RAET1G: variants seen among roughly 807,000 people sequenced by gnomAD.
RAET1G encodes UL-16 binding protein 5.
In RAET1G, 25 loss-of-function variants were observed where a neutral mutation model predicts 29.5. The ratio of observed to expected loss-of-function variants is 0.85; its 90% CI spans 0.62 to 1.18. RAET1G has a LOEUF of 1.18. Among genes scored for constraint, RAET1G ranks in the 50% most tolerant of loss-of-function variants. RAET1G has a pLI of 0.00. For missense variants in RAET1G, 434 were observed against 423.6 expected (o/e 1.02, Z -0.22); for synonymous variants, 167 against 159.5 (o/e 1.05, Z -0.36).
intron 1 of RAET1G, among the ~76,000 whole-genome samples, chr6:149,921,886 C>T (rs768161460): frequency 3.9e-5 from 6 of 152,036 alleles, no homozygotes; most frequent in Non-Finnish European, 7.4e-5. Flanking sequence ...GGGTCAGCAA[C>T]CTAGGACAGG....
chr6:149,919,448 C>T lies in RAET1G; in HGVS notation c.349+105G>A, dbSNP rs540458649. On this transcript the variant is annotated intron_variant, in intron 2 of 4. Coordinates refer to ENST00000367360, the MANE Select transcript of RAET1G (RefSeq NM_001001788.4). Reference sequence around the variant, plus strand: ...CCTGGCCTTGCCTCTAGACGTCTTGCGGGGTGAGATGACCTTCCTATTTGT... The same window carrying T: ...CCTGGCCTTGCCTCTAGACGTCTTGTGGGGTGAGATGACCTTCCTATTTGT... The T allele has an allele frequency of 9.4e-4, 1,515 of 1,609,404 alleles. 6 individuals carry two copies. Among genetic ancestry groups the T allele is most frequent in the South Asian group, 1.9e-3 (172 of 90,012 alleles).
chr6:149,919,280 C>T lies in RAET1G; in HGVS notation c.394G>A (p.Glu132Lys), dbSNP rs757797532. 17 of 1,614,080 alleles carry T rather than the reference C, an allele frequency of 1.1e-5. No homozygotes were observed. Among genetic ancestry groups the T allele is most frequent in the South Asian group, 4.4e-5 (4 of 91,086 alleles). Residue 132 changes from glutamate (E) to lysine (K), a missense_variant, in exon 3 of 5, where the codon GAA (glutamate) becomes AAA (lysine). Transcript: ENST00000367360. The stretch of plus-strand genomic sequence containing the variant: ...TGCCAAGATCCACTGCCGTGTCCTT[C>T]GGCTTTCTGCTCACAAGACATCCTG... ...QARMSCEQKA[E>K]GHGSGSWQLS... is the part of the protein sequence containing the mutation.
intron 1 of RAET1G, among the ~76,000 whole-genome samples, chr6:149,922,115 A>G: frequency 6.6e-6 from 1 of 152,194 alleles, no homozygotes; most frequent in Non-Finnish European, 1.5e-5. Flanking sequence ...CTGGGCCCCA[A>G]GGGCAGAAGT....
chr6:149,918,855 G>A, intron 3 of RAET1G, 188 bp downstream of exon 3: 1 of 844,680 alleles, frequency 1.2e-6, no homozygotes, highest in Non-Finnish European at 1.8e-6. Flanking sequence ...GAGGAGTCAG[G>A]AGGGAGAAGG....
intron 3 of RAET1G, 150 bp downstream of exon 3, chr6:149,918,893 G>T (rs1292189726): frequency 3.1e-6 from 4 of 1,276,622 alleles, no homozygotes; most frequent in South Asian, 1.5e-5. Flanking sequence ...GCACAGGCAC[G>T]CCAGCACCCC....
intron 3 of RAET1G, 28 bp from the exon 4 acceptor site, chr6:149,918,412 C>A (rs763898488): frequency 5.6e-6 from 9 of 1,605,748 alleles, no homozygotes; most frequent in African/African-American, 1.3e-5. Context: ...GAGTGACAAC[C>A]CTTGTCCAGG....
Position 149,918,782 on chromosome 6 carries a change from C to G in RAET1G, c.631+261G>C. On this transcript the variant is annotated intron_variant, in intron 3 of 4. Coordinates refer to ENST00000367360, the MANE Select transcript of RAET1G (RefSeq NM_001001788.4). ...GAGAAAGGCCTGAAAATAGTGACAC[C>G]TGCAGTTTCGAGGCTGGTGAGAAAT... 4 of 613,200 alleles carry G rather than the reference C, an allele frequency of 6.5e-6. No homozygotes were observed. In the South Asian group the frequency reaches 8.5e-5, roughly 13 times the overall value. 38.0% of individuals were successfully genotyped at this position (613,200 alleles called of 1,614,324 possible). A position where few individuals can be genotyped will look rare whatever the true frequency, so the allele number is the denominator to read the frequency against.
At chr6:149,918,822 A>G (rs1778518252) in intron 3 of RAET1G, 7 of 695,656 alleles carry the variant, frequency 1.0e-5, no homozygotes, top group Non-Finnish European at 7.1e-6. Context: ...AGTGTGGGGA[A>G]CAGAAGCAAG....
At chr6:149,920,275 A>G (rs1778568815) in intron 1 of RAET1G, among the ~76,000 whole-genome samples, 1 of 152,206 alleles carries the variant, frequency 6.6e-6, no homozygotes, top group Non-Finnish European at 1.5e-5. Flanking sequence ...TATCATGGTC[A>G]CAGGATTTAA....
At chr6:149,919,403 T>C in intron 2 of RAET1G, 79 bp from the exon 3 acceptor site, 2 of 1,596,568 alleles carry the variant, frequency 1.3e-6, no homozygotes, top group Admixed American at 3.4e-5. Flanking sequence ...AATTTCCTGG[T>C]CTTACTTGCT....
intron 1 of RAET1G, among the ~76,000 whole-genome samples, chr6:149,921,507 A>G (rs1778600778): frequency 6.6e-6 from 1 of 152,226 alleles, no homozygotes; most frequent in Admixed American, 6.5e-5. Flanking sequence ...TCTGGCAGTG[A>G]GAAGACACAG....
chr6:149,918,451 C>A lies in RAET1G; in HGVS notation c.632-67G>T, dbSNP rs1778505742. On this transcript the variant is annotated intron_variant, in intron 3 of 4. Coordinates refer to ENST00000367360, the MANE Select transcript of RAET1G (RefSeq NM_001001788.4). ...CAAATCTGAGGAGATGCCTCCTCAG[C>A]TCCTGCTGACCCAGGTCATCCTGGA... The A allele has an allele frequency of 1.1e-5, 16 of 1,511,702 alleles. No individual in the cohort carries two copies. In the South Asian group the frequency reaches 1.7e-4, roughly 16 times the overall value. The allele number at this position is 1,511,702 out of a possible 1,614,324, so 93.6% of individuals were successfully genotyped here. A position where few individuals can be genotyped will look rare whatever the true frequency, so the allele number is the denominator to read the frequency against.
At position 149,919,045 on chromosome 6, in the gene RAET1G, C is replaced by T. The variant is rs771579597; in HGVS notation, c.629G>A (p.Gly210Glu). Residue 210 changes from glycine to glutamate, a missense_variant and splice_region_variant, in exon 3 of 5, where the codon GGA becomes GAA. Physicochemically the swap from Gly to Glu is moderately conservative, Grantham distance 98. Transcript: ENST00000367360. ...CCCATTTCTTTTTCTCCTGTTACCT[C>T]CTGCACTTGGCTCCAGGGTGCTGTC... Reference protein sequence around the residue: ...GMDSTLEPSAGAPPTMSSGTA... With the variant: ...GMDSTLEPSAEAPPTMSSGTA... 3.7e-6 allele frequency: 6 copies of T among 1,613,770 alleles called. No homozygotes were observed. The Admixed American group carries it at 8.3e-5, about 22-fold the overall frequency.
Position 149,918,355 on chromosome 6 carries a change from G to A in RAET1G, c.661C>T (p.Gln221Ter), listed in dbSNP as rs995152027. ...AGGGTGGTGGCCGTGGCCCTGGGTT[G>A]GGCTGTGCCTGAGGACATGGTGGGT... ...APPTMSSGTA[Q>*]PRATATTLIL... is the part of the protein sequence containing the mutation. Residue 221 changes from glutamine to a stop codon, truncating the protein, a stop_gained, in exon 4 of 5, where the codon CAA (glutamine) becomes TAA (stop). Transcript: ENST00000367360. LOFTEE classifies it high-confidence loss of function. The A allele has an allele frequency of 6.2e-7, 1 of 1,613,974 alleles. No homozygotes were observed. The highest frequency in any genetic ancestry group is 8.5e-7 in the Non-Finnish European group (1 of 1,179,984).
In RAET1G at chr6:149,917,087, G is replaced by A. The variant is rs535255506; in HGVS notation, c.843-13C>T. ...CGCTATTTGGTAGCTGAGGCGGAGAGAGAGAGGACAGCTTACGTCATTGTT... is the reference window on the plus strand; with the variant it reads ...CGCTATTTGGTAGCTGAGGCGGAGAAAGAGAGGACAGCTTACGTCATTGTT... On this transcript the variant is annotated splice_polypyrimidine_tract_variant and intron_variant, in intron 4 of 4. Coordinates refer to ENST00000367360, the MANE Select transcript of RAET1G (RefSeq NM_001001788.4). 6.5e-7 allele frequency: 1 copy of A among 1,539,596 alleles called. No homozygotes were observed. The highest frequency in any genetic ancestry group is 2.5e-5 in the East Asian group (1 of 40,724).
Position 149,917,071 on chromosome 6 carries a change from G to C in RAET1G, c.846C>G (p.Tyr282Ter), listed in dbSNP as rs1327612233. 2.6e-6 allele frequency: 4 copies of C among 1,545,548 alleles called. No individual in the cohort carries two copies. The highest frequency in any genetic ancestry group is 2.6e-6 in the Non-Finnish European group (3 of 1,144,410). The change falls in exon 5 of 5, where the codon TAC becomes TAG. Residue 282 changes from tyrosine to a stop codon, truncating the protein, a stop_gained. Transcript: ENST00000367360. LOFTEE classifies it high-confidence loss of function. ...LLRRVLWSDS[Y>*]QIAKRPLSGG... is the part of the protein sequence containing the mutation. ...CAGACAAGGGGCGCTTCGCTATTTG[G>C]TAGCTGAGGCGGAGAGAGAGAGGAC...
At chr6:149,922,778 G>T (rs1778623629) in intron 1 of RAET1G, 148 bp downstream of exon 1, 6 of 577,320 alleles carry the variant, frequency 1.0e-5, no homozygotes, top group African/African-American at 2.0e-5. Flanking sequence ...GGACCCGGCG[G>T]GAAGGAGACG....
At chr6:149,922,881 C>G (rs1341503078) in intron 1 of RAET1G, 45 bp downstream of exon 1, 1 of 1,421,508 alleles carries the variant, frequency 7.0e-7, no homozygotes, top group Non-Finnish European at 9.7e-7. Context: ...CCACAGCCCC[C>G]CACGGTTGGC....
chr6:149,922,819 G>T, intron 1 of RAET1G, 107 bp downstream of exon 1: 1 of 730,250 alleles, frequency 1.4e-6, no homozygotes, highest in Non-Finnish European at 2.2e-6. Flanking sequence ...GCGCAGTCCG[G>T]GGTGATCGCA....
Sources: gnomAD v4.1 joint callset for allele counts (sites outside exome capture counted in the v4.1 genomes callset) on GRCh38, gnomAD v4.1.1 for gene constraint, MANE v1.5 for transcripts, NCBI Gene and HGNC (gene_info 2026-07-23, HGNC 2026-07-21) for gene names.